Variants in RAPGEF4 observed in about 807,000 individuals in gnomAD.
The protein encoded by RAPGEF4 is Rap guanine nucleotide exchange factor 4.
In RAPGEF4, 66 loss-of-function variants were observed where a neutral mutation model predicts 147.9. The observed-to-expected ratio is 0.45, with a 90% confidence interval of 0.37 to 0.55. The LOEUF (loss-of-function observed/expected upper bound fraction) is 0.55. Among genes scored for constraint, RAPGEF4 ranks in the 20% least tolerant of loss-of-function variants. The pLI is 0.00. For missense variants in RAPGEF4, 1,071 were observed against 1,257.3 expected (o/e 0.85, Z 2.24); for synonymous variants, 419 against 442.7 (o/e 0.95, Z 0.67).
At chr2:172,991,688 G>A (rs1312227450) in intron 15 of RAPGEF4, among the ~76,000 whole-genome samples, 1 of 152,180 alleles carries the variant, frequency 6.6e-6, no homozygotes, top group Non-Finnish European at 1.5e-5. Context: ...CACCAATTCT[G>A]TAGCTAAAGA....
intron 4 of RAPGEF4, among the ~76,000 whole-genome samples, chr2:172,838,731 T>C (rs1691241141): frequency 6.6e-6 from 1 of 152,140 alleles, no homozygotes; most frequent in Non-Finnish European, 1.5e-5. Context: ...TATTTTCTCT[T>C]CTCTAGGAAT....
chr2:172,964,329 T>C (rs1380223475), intron 8 of RAPGEF4, among the ~76,000 whole-genome samples: 2 of 151,096 alleles, frequency 1.3e-5, no homozygotes, highest in Admixed American at 6.6e-5. Context: ...ATTCCTCTGA[T>C]AGATTTCAGA....
chr2:172,906,430 A>G (rs183384390), intron 4 of RAPGEF4, among the ~76,000 whole-genome samples: 1 of 152,200 alleles, frequency 6.6e-6, no homozygotes. Context: ...ATGCCTGTCA[A>G]TTATCCCTGT....
intron 23 of RAPGEF4, among the ~76,000 whole-genome samples, chr2:173,024,619 T>A (rs1696483124): frequency 6.6e-6 from 1 of 152,202 alleles, no homozygotes; most frequent in Non-Finnish European, 1.5e-5. Flanking sequence ...TATCCAGTTC[T>A]CTTAACAAGC....
intron 1 of RAPGEF4, among the ~76,000 whole-genome samples, chr2:172,767,903 C>T (rs1486031246): frequency 1.3e-5 from 2 of 152,072 alleles, no homozygotes; most frequent in Admixed American, 1.3e-4. Flanking sequence ...AGTGCAGTGG[C>T]ACAATCTCGG....
Position 173,036,628 on chromosome 2 carries a change from A to G in RAPGEF4, c.2789A>G (p.Asp930Gly). 1.9e-6 allele frequency: 3 copies of G among 1,603,328 alleles called. No individual in the cohort carries two copies. Among genetic ancestry groups the G allele is most frequent in the Non-Finnish European group, 2.6e-6 (3 of 1,174,850 alleles). Residue 930 changes from aspartate to glycine, a missense_variant and splice_region_variant, in exon 29 of 31, where the codon GAT becomes GGT. Asp to Gly is a moderately conservative substitution (Grantham distance 94, BLOSUM62 -1). Transcript: ENST00000397081. ...GAATGTGGCTTTTATTTCTTTACAG[A>G]TATGACATTTACTCATGAGGGGAAC... ...LIPFMPLLIKDMTFTHEGNKT... is the reference protein window; with the variant it reads ...LIPFMPLLIKGMTFTHEGNKT...
chr2:173,018,874 G>A lies in RAPGEF4; in HGVS notation c.2155+72G>A, dbSNP rs768999121. On this transcript the variant is annotated intron_variant, in intron 22 of 30. Coordinates refer to ENST00000397081, the MANE Select transcript of RAPGEF4 (RefSeq NM_007023.4). ...CATCCAAGCAGAAACTATGTAAGGA[G>A]TTAGCGTGGTCATGTGAGGCTCACC... The A allele has an allele frequency of 1.7e-4, 258 of 1,529,516 alleles. 1 individual carries two copies. Among genetic ancestry groups the A allele is most frequent in the Non-Finnish European group, 2.3e-4 (254 of 1,125,456 alleles). 94.7% of individuals were successfully genotyped at this position (1,529,516 alleles called of 1,614,324 possible).
intron 23 of RAPGEF4, among the ~76,000 whole-genome samples, chr2:173,023,867 A>G (rs1160076178): frequency 1.3e-5 from 2 of 152,248 alleles, no homozygotes; most frequent in African/African-American, 4.8e-5. Context: ...GCAGAGCAGC[A>G]GAAGGGCTGT....
intron 4 of RAPGEF4, chr2:172,894,032 C>A (rs548908045): frequency 6.6e-6 from 1 of 152,392 alleles, no homozygotes; most frequent in African/African-American, 2.4e-5. Flanking sequence ...TATACAAAGA[C>A]TTCTTCGTTC....
chr2:172,847,584 C>T (rs1405164913), intron 4 of RAPGEF4, among the ~76,000 whole-genome samples: 1 of 152,104 alleles, frequency 6.6e-6, no homozygotes, highest in Non-Finnish European at 1.5e-5. Flanking sequence ...AGTGGGAAGA[C>T]CCTGAATGCT....
chr2:172,882,707 A>G (rs1439516827), intron 4 of RAPGEF4, among the ~76,000 whole-genome samples: 1 of 152,180 alleles, frequency 6.6e-6, no homozygotes, highest in African/African-American at 2.4e-5. Flanking sequence ...AAGTGAGGAT[A>G]GTGTCTGTTC....
chr2:172,982,999 G>C (rs558473783), intron 10 of RAPGEF4, among the ~76,000 whole-genome samples: 2 of 151,980 alleles, frequency 1.3e-5, no homozygotes, highest in Non-Finnish European at 2.9e-5. Flanking sequence ...TGAGTCCTTC[G>C]GAAAAAATAC....
At chr2:172,814,466 A>G in intron 4 of RAPGEF4, 41 bp downstream of exon 4, 2 of 1,606,258 alleles carry the variant, frequency 1.2e-6, no homozygotes. Flanking sequence ...GCAGTTTCAG[A>G]AAAGAAAGGG....
intron 1 of RAPGEF4, among the ~76,000 whole-genome samples, chr2:172,754,640 C>T (rs1417554982): frequency 1.3e-5 from 2 of 152,114 alleles, no homozygotes; most frequent in African/African-American, 4.8e-5. Context: ...AACCCCAGTC[C>T]TTTTCCACTG....
At chr2:173,001,753 C>T (rs992663091) in intron 17 of RAPGEF4, among the ~76,000 whole-genome samples, 1 of 151,768 alleles carries the variant, frequency 6.6e-6, no homozygotes, top group Non-Finnish European at 1.5e-5. Flanking sequence ...GGAGCAGGAG[C>T]GAGGTGGGGG....
chr2:172,749,361 C>T (rs1695055677), intron 1 of RAPGEF4, among the ~76,000 whole-genome samples: 1 of 152,222 alleles, frequency 6.6e-6, no homozygotes, highest in Non-Finnish European at 1.5e-5. Flanking sequence ...TTCCAAACCT[C>T]AGTTCTTGAC....
chr2:172,850,800 T>C (rs2149735612), intron 4 of RAPGEF4, among the ~76,000 whole-genome samples: 1 of 152,322 alleles, frequency 6.6e-6, no homozygotes, highest in South Asian at 2.1e-4. Flanking sequence ...CTTTTGTTGC[T>C]TTAAAAATTG....
At chr2:172,787,053 T>C (rs1398954642) in intron 1 of RAPGEF4, among the ~76,000 whole-genome samples, 1 of 151,646 alleles carries the variant, frequency 6.6e-6, no homozygotes, top group Non-Finnish European at 1.5e-5. Flanking sequence ...CTACTAAAAA[T>C]ACAAAAAAAT....
chr2:173,008,068 G>GA (rs1222860338), intron 17 of RAPGEF4, among the ~76,000 whole-genome samples: 1 of 76,248 alleles, frequency 1.3e-5, no homozygotes, highest in Non-Finnish European at 2.9e-5. Flanking sequence ...GATCGGGTGT[G>GA]GCCCCCCCAT....
Sources: allele counts gnomAD v4.1 joint callset (sites outside exome capture counted in the v4.1 genomes callset), GRCh38; gene constraint gnomAD v4.1.1; transcripts MANE v1.5; gene names NCBI Gene and HGNC (gene_info 2026-07-23, HGNC 2026-07-21).